The following GPI variants were observed in gnomAD, a reference collection of about 807,000 sequenced individuals.
GPI encodes the protein glucose-6-phosphate isomerase, also known as D-hexose-6-phosphate anomerase.
A neutral mutation model predicts 75.8 loss-of-function variants in GPI; 56 were observed. That is an observed-to-expected ratio of 0.74 (90% CI 0.60 to 0.92). The LOEUF (loss-of-function observed/expected upper bound fraction) is 0.92, where lower values mean the gene tolerates loss of function less well. Among genes scored for constraint, GPI ranks in the 40% least tolerant of loss-of-function variants. The pLI is 0.00. For synonymous variants in GPI, 288 were observed against 285.4 expected, an observed-to-expected ratio of 1.01 and a Z score of -0.09; for missense variants, 638 against 741.0, an observed-to-expected ratio of 0.86 and a Z score of 1.61.
rs1201396193 is a variant in GPI, at chr19:34,399,607, C to A, written c.1450C>A (p.Pro484Thr). ...CTCTATTGTGTTCACCAAGCTCACA[C>A]CATTCATGCTTGGAGCCTTGGTCGG... ...TNSIVFTKLT[P>T]FMLGALVAMY... Residue 484 changes from proline to threonine, a missense_variant, in exon 16 of 18, where the codon CCA (proline) becomes ACA (threonine). Pro to Thr is a conservative substitution (Grantham distance 38). Coordinates refer to ENST00000356487, the MANE Select transcript of GPI (RefSeq NM_000175.5). The A allele has an allele frequency of 1.2e-6, 2 of 1,614,158 alleles. No individual in the cohort carries two copies. Among genetic ancestry groups the A allele is most frequent in the East Asian group, 2.2e-5 (1 of 44,874 alleles).
At position 34,365,346 on chromosome 19, in the gene GPI, G is replaced by T; in HGVS notation, c.80G>T (p.Arg27Leu). 1 of 1,590,746 alleles carries T rather than the reference G, an allele frequency of 6.3e-7. No homozygotes were observed. Among genetic ancestry groups the T allele is most frequent in the Non-Finnish European group, 8.5e-7 (1 of 1,170,622 alleles). ...GAGCACCGCTCCGAGCTGAACCTGC[G>T]CCGCCTCTTCGATGCCAACAAGGAC... is the stretch of plus-strand genomic sequence containing the variant. Reference protein sequence around the residue: ...YREHRSELNLRRLFDANKDRF... With the variant: ...YREHRSELNLLRLFDANKDRF... Residue 27 changes from arginine to leucine, a missense_variant, in exon 1 of 18, where the codon CGC (arginine) becomes CTC (leucine). Arg to Leu is a moderately radical substitution (Grantham distance 102). Transcript: ENST00000356487.
At chr19:34,382,590 T>C (rs1404740969) in intron 9 of GPI, among the ~76,000 whole-genome samples, 1 of 152,148 alleles carries the variant, frequency 6.6e-6, no homozygotes, top group Admixed American at 6.5e-5. Flanking sequence ...AAATGTTGCA[T>C]GGCTGATAAT....
Position 34,366,405 on chromosome 19 carries a change from G to A in GPI, c.183G>A (p.Thr61=), listed in dbSNP as rs141473845. 45 of 1,613,358 alleles carry A rather than the reference G, an allele frequency of 2.8e-5. No individual in the cohort carries two copies. In the Admixed American group the frequency reaches 4.3e-4, roughly 16 times the overall value. Residue 61 remains threonine, a synonymous_variant, in exon 2 of 18, where the codon ACG becomes ACA. Coordinates refer to ENST00000356487, the MANE Select transcript of GPI (RefSeq NM_000175.5). ...ILVDYSKNLV[T]EDVMRMLVDL... is the part of the protein sequence containing the mutation. ...TGGATTACTCCAAGAACCTGGTGAC[G>A]GAGGACGTGATGCGGATGCTGGTGG...
chr19:34,379,639 C>T lies in GPI; in HGVS notation c.750+77C>T, dbSNP rs182870892. On this transcript the variant is annotated intron_variant, in intron 8 of 17. Transcript: ENST00000356487. ...TCCAGGTCATGGCCTCTCAGAGACG[C>T]GGTTCGTAGGTCTGGTGGATCTTGG... 2.2e-4 allele frequency: 263 copies of T among 1,194,788 alleles called. 1 individual carries two copies. The highest frequency in any genetic ancestry group is 8.5e-5 in the South Asian group (7 of 82,808). 74.0% of individuals were successfully genotyped at this position (1,194,788 alleles called of 1,614,324 possible). A position where few individuals can be genotyped will look rare whatever the true frequency, so the allele number is the denominator to read the frequency against.
At chr19:34,396,173 G>A in intron 12 of GPI, 128 bp from the exon 13 acceptor site, 1 of 948,602 alleles carries the variant, frequency 1.1e-6, no homozygotes, top group South Asian at 1.3e-5. Context: ...TCCAACCTCA[G>A]GTGATCCGCC....
At chr19:34,399,124 T>G (rs2074984924) in intron 14 of GPI, 83 bp from the exon 15 acceptor site, 3 of 1,416,218 alleles carry the variant, frequency 2.1e-6, no homozygotes, top group Non-Finnish European at 2.9e-6. Context: ...GACTGACCCC[T>G]GCTGAGAAGT....
intron 4 of GPI, among the ~76,000 whole-genome samples, chr19:34,370,100 G>A (rs949236382): frequency 2.0e-5 from 3 of 152,162 alleles, no homozygotes; most frequent in Admixed American, 6.5e-5. Flanking sequence ...AGCAGTGTCC[G>A]TGTGTCAGTG....
chr19:34,399,030 G>A (rs1006558729), intron 14 of GPI, 177 bp from the exon 15 acceptor site: 105 of 559,770 alleles, frequency 1.9e-4, no homozygotes, highest in Non-Finnish European at 3.1e-4. Flanking sequence ...TTAAAGAGCA[G>A]TTATCACTGT....
At chr19:34,384,744 G>A (rs1320670784) in intron 9 of GPI, among the ~76,000 whole-genome samples, 1 of 152,142 alleles carries the variant, frequency 6.6e-6, no homozygotes, top group Admixed American at 6.6e-5. Flanking sequence ...CCCAGGTGGT[G>A]TCAAGACAGA....
At chr19:34,364,954 C>T, upstream of GPI, 1 of 1,526,918 alleles carries the variant, frequency 6.5e-7, no homozygotes, top group Non-Finnish European at 8.8e-7. Flanking sequence ...CCAGTGATCC[C>T]CGGGCTCTGC....
chr19:34,383,465 C>T (rs932649993), intron 9 of GPI, among the ~76,000 whole-genome samples: 12 of 152,086 alleles, frequency 7.9e-5, no homozygotes, highest in Admixed American at 2.6e-4. Context: ...TGGCCGGTTC[C>T]GAAAAGTGAG....
chr19:34,400,128 C>A lies in GPI; in HGVS notation c.*92C>A. On this transcript the variant is annotated 3_prime_UTR_variant, in exon 18 of 18. Coordinates refer to ENST00000356487, the MANE Select transcript of GPI (RefSeq NM_000175.5). ...GGCACTGCATGTTCCTGGACACCACCCAGAGCACCCTCTGGTTGTGGGCTT... is the reference window on the plus strand; with the variant it reads ...GGCACTGCATGTTCCTGGACACCACACAGAGCACCCTCTGGTTGTGGGCTT... 1.5e-6 allele frequency: 2 copies of A among 1,360,160 alleles called. No individual in the cohort carries two copies. Among genetic ancestry groups the A allele is most frequent in the Non-Finnish European group, 2.1e-6 (2 of 963,582 alleles). 84.3% of individuals were successfully genotyped at this position (1,360,160 alleles called of 1,614,324 possible).
Position 34,399,296 on chromosome 19 carries a change from C to T in GPI, c.1359C>T (p.Gly453=), listed in dbSNP as rs1185193908. The T allele has an allele frequency of 6.2e-7, 1 of 1,613,994 alleles. No individual in the cohort carries two copies. The highest frequency in any genetic ancestry group is 8.5e-7 in the Non-Finnish European group (1 of 1,180,018). ...EEARKELQAA[G]KSPEDLERLL... is the part of the protein sequence containing the mutation. Reference sequence around the variant, plus strand: ...CCCGAAAGGAGCTCCAGGCTGCGGGCAAGAGTCCAGAGGACCTTGAGAGGC... The same window carrying T: ...CCCGAAAGGAGCTCCAGGCTGCGGGTAAGAGTCCAGAGGACCTTGAGAGGC... The change falls in exon 15 of 18, where the codon GGC becomes GGT. Residue 453 remains glycine (G), a synonymous_variant. Coordinates refer to ENST00000356487, the MANE Select transcript of GPI (RefSeq NM_000175.5).
At chr19:34,360,229 T>C (rs188242232), upstream of GPI, among the ~76,000 whole-genome samples, 1 of 152,230 alleles carries the variant, frequency 6.6e-6, no homozygotes, top group East Asian at 1.9e-4. Context: ...AGCCCTAAGC[T>C]CTGCGATCGG....
At chr19:34,391,570 C>A in intron 9 of GPI, among the ~76,000 whole-genome samples, 1 of 588 alleles carries the variant, frequency 1.7e-3, no homozygotes, top group Non-Finnish European at 3.7e-3. Flanking sequence ...GTATGAGAAT[C>A]CGGGTCTGTC....
Position 34,396,616 on chromosome 19 carries a change from G to A in GPI, c.1228G>A (p.Val410Ile), listed in dbSNP as rs546774763. ...GATACCCTGTGACTTCCTCATCCCG[G>A]TCCAGACCCAGCACCCCATACGGAA... ...KMIPCDFLIPVQTQHPIRKGL... is the reference protein window; with the variant it reads ...KMIPCDFLIPIQTQHPIRKGL... Residue 410 changes from valine (V) to isoleucine (I), a missense_variant, in exon 14 of 18, where the codon GTC (valine) becomes ATC (isoleucine). Transcript: ENST00000356487. 1.4e-4 allele frequency: 219 copies of A among 1,614,164 alleles called. 7 individuals carry two copies. The South Asian group carries it at 2.2e-3, about 16-fold the overall frequency.
In GPI at chr19:34,377,335, A is replaced by T. The variant is rs1379896439; in HGVS notation, c.403-168A>T. The stretch of plus-strand genomic sequence containing the variant: ...AAAAAAAAAAAAAAAAAAAAAAAAA[A>T]AATATATATATATATATATATATGG... On this transcript the variant is annotated intron_variant, in intron 4 of 17. Coordinates refer to ENST00000356487, the MANE Select transcript of GPI (RefSeq NM_000175.5). Among the ~76,000 whole-genome samples, 2 of 83,614 alleles carry T rather than the reference A, an allele frequency of 2.4e-5. 1 individual carries two copies. The highest frequency in any genetic ancestry group is 4.3e-5 in the Non-Finnish European group (2 of 47,058). 54.9% of individuals were successfully genotyped at this position (83,614 alleles called of 152,430 possible).
intron 3 of GPI, among the ~76,000 whole-genome samples, chr19:34,368,225 A>G (rs2074395306): frequency 6.6e-6 from 1 of 152,194 alleles, no homozygotes; most frequent in Admixed American, 6.5e-5. Context: ...CCGGCCTCTG[A>G]AAGCATTTAT....
At chr19:34,370,818 TG>T (rs1308041233) in intron 4 of GPI, among the ~76,000 whole-genome samples, 1 of 151,886 alleles carries the variant, frequency 6.6e-6, no homozygotes, top group Non-Finnish European at 1.5e-5. Flanking sequence ...CTTGGGAGGC[TG>T]GGGTGGGAGG....
Sources: gnomAD v4.1 joint callset for allele counts (sites outside exome capture counted in the v4.1 genomes callset) on GRCh38, gnomAD v4.1.1 for gene constraint, MANE v1.5 for transcripts, NCBI Gene and HGNC (gene_info 2026-07-23, HGNC 2026-07-21) for gene names.